MTCL2: variants seen among roughly 807,000 people sequenced by gnomAD.
The protein encoded by MTCL2 is microtubule cross-linking factor 2.
At chr20:36,791,609 G>C in the MTCL2 span, among the ~76,000 whole-genome samples, 1 of 152,176 alleles carries the variant, frequency 6.6e-6, no homozygotes, top group Non-Finnish European at 1.5e-5. Context: ...GGGTACACTC[G>C]CCTCTAGCTG....
the MTCL2 span, among the ~76,000 whole-genome samples, chr20:36,861,729 G>A: frequency 1.3e-5 from 2 of 152,338 alleles, no homozygotes; most frequent in East Asian, 3.9e-4. Context: ...CAGCCTCCCA[G>A]GGAGAGGTCA....
the MTCL2 span, chr20:36,785,575 C>T: frequency 3.0e-6 from 3 of 985,370 alleles, no homozygotes; most frequent in Non-Finnish European, 3.6e-6. Context: ...AGGATGTAAA[C>T]ACAGTGGAGA....
the MTCL2 span, among the ~76,000 whole-genome samples, chr20:36,791,072 T>C: frequency 4.6e-3 from 707 of 152,154 alleles, 7 homozygotes; most frequent in African/African-American, 0.016. Context: ...TCTCACTCTG[T>C]CACCCAGGCT....
At chr20:36,817,542 G>C in the MTCL2 span, 1 of 1,440,912 alleles carries the variant, frequency 6.9e-7, no homozygotes, top group South Asian at 1.3e-5. Flanking sequence ...CACATGCAGA[G>C]AGCTGTCACA....
At chr20:36,803,217 G>A in the MTCL2 span, 1 of 1,442,400 alleles carries the variant, frequency 6.9e-7, no homozygotes, top group South Asian at 1.4e-5. Context: ...GGTCCCCTCA[G>A]AAGACCCCTC....
At chr20:36,831,728 C>T in the MTCL2 span, among the ~76,000 whole-genome samples, 14 of 152,236 alleles carry the variant, frequency 9.2e-5, no homozygotes, top group Admixed American at 9.2e-4. Context: ...ACCAGACCTT[C>T]CTCATCCACG....
chr20:36,825,253 A>C, the MTCL2 span, among the ~76,000 whole-genome samples: 8 of 152,112 alleles, frequency 5.3e-5, no homozygotes, highest in Admixed American at 5.2e-4. Flanking sequence ...CAAACTGTAC[A>C]CTTTTAAATG....
the MTCL2 span, among the ~76,000 whole-genome samples, chr20:36,810,263 T>G: frequency 2.0e-5 from 3 of 152,238 alleles, no homozygotes; most frequent in African/African-American, 7.2e-5. Flanking sequence ...TCCCCACCTC[T>G]GAGGGTCGTC....
At chr20:36,793,808 T>C in the MTCL2 span, 79 of 1,542,240 alleles carry the variant, frequency 5.1e-5, no homozygotes, top group Non-Finnish European at 6.0e-5. This position sits in a 1 kb window ranked among gnomAD's most constrained non-coding sequence, Gnocchi z 6.8. Flanking sequence ...CGAATGGACC[T>C]TGTCCAGGGA....
At chr20:36,859,625 T>A in the MTCL2 span, 14 of 1,231,744 alleles carry the variant, frequency 1.1e-5, no homozygotes, top group Non-Finnish European at 1.3e-5. Flanking sequence ...GTTGCCCGAT[T>A]TATGCTTTCC....
the MTCL2 span, among the ~76,000 whole-genome samples, chr20:36,816,700 T>C: frequency 6.6e-6 from 1 of 152,190 alleles, no homozygotes; most frequent in East Asian, 1.9e-4. Flanking sequence ...CTTTGCTGCA[T>C]ATAGTACTTC....
At chr20:36,841,181 AAAT>A in the MTCL2 span, among the ~76,000 whole-genome samples, 236 of 148,552 alleles carry the variant, frequency 1.6e-3, no homozygotes, top group African/African-American at 5.7e-3. Flanking sequence ...AAAAAAAAAA[AAAT>A]GAGCCCAGCG....
the MTCL2 span, among the ~76,000 whole-genome samples, chr20:36,841,281 C>A: frequency 6.6e-6 from 1 of 150,794 alleles, no homozygotes; most frequent in African/African-American, 2.4e-5. Context: ...TGCAGTGAGC[C>A]GAGATTGCAC....
the MTCL2 span, chr20:36,803,059 A>G: frequency 1.2e-6 from 2 of 1,609,112 alleles, no homozygotes; most frequent in African/African-American, 1.3e-5. Flanking sequence ...GCTGCCTTCC[A>G]GTCGGGCCCT....
At chr20:36,862,661 G>T in the MTCL2 span, 1 of 1,497,812 alleles carries the variant, frequency 6.7e-7, no homozygotes, top group Non-Finnish European at 8.9e-7. Flanking sequence ...CCCCCACCTT[G>T]AGATAGTCGT....
At chr20:36,784,744 C>T in the MTCL2 span, 1 of 985,462 alleles carries the variant, frequency 1.0e-6, no homozygotes, top group Non-Finnish European at 1.2e-6. Context: ...GAAGGGCGGG[C>T]AGCAGAGCTG....
At chr20:36,791,046 T>TG in the MTCL2 span, among the ~76,000 whole-genome samples, 73 of 152,024 alleles carry the variant, frequency 4.8e-4, 1 homozygote, top group Admixed American at 4.6e-4. Context: ...ATTTTTTTTT[T>TG]TGTGTGGAGA....
chr20:36,812,730 C>T, the MTCL2 span: 3 of 1,614,032 alleles, frequency 1.9e-6, no homozygotes, highest in Admixed American at 5.0e-5. Flanking sequence ...TCATTGTCTT[C>T]AGCTCGGTAA....
At chr20:36,830,785 C>T in the MTCL2 span, among the ~76,000 whole-genome samples, 1 of 152,228 alleles carries the variant, frequency 6.6e-6, no homozygotes, top group Non-Finnish European at 1.5e-5. Flanking sequence ...GACAGGATAA[C>T]TGAACCAGCT....
Sources: allele counts gnomAD v4.1 joint callset (sites outside exome capture counted in the v4.1 genomes callset), GRCh38; gene constraint gnomAD v4.1.1; non-coding constraint Gnocchi (gnomAD v3.1); transcripts MANE v1.5; gene names NCBI Gene and HGNC (gene_info 2026-07-23, HGNC 2026-07-21).